Variants in SLC45A4 observed in about 807,000 individuals in gnomAD.
SLC45A4 encodes the protein polyamine-transporter SLC45A4.
SLC45A4 carries 32 observed loss-of-function variants against 63.7 expected under a neutral mutation model. The observed-to-expected ratio is 0.50, with a 90% confidence interval of 0.38 to 0.67. The LOEUF (loss-of-function observed/expected upper bound fraction) is 0.67. Ranked by LOEUF, SLC45A4 falls within the 30% of genes least tolerant of loss-of-function variation. The pLI is 0.00. For missense variants in SLC45A4, 1,027 were observed against 1,157.7 expected (o/e 0.89, Z 1.64); for synonymous variants, 535 against 510.0 (o/e 1.05, Z -0.66).
chr8:141,251,003 G>C (rs1304122688), intron 2 of SLC45A4, among the ~76,000 whole-genome samples: 1 of 152,198 alleles, frequency 6.6e-6, no homozygotes, highest in African/African-American at 2.4e-5. Flanking sequence ...ATCTGCCATA[G>C]AGAAAATTAG....
At chr8:141,223,526 C>A (rs932920872) in intron 2 of SLC45A4, among the ~76,000 whole-genome samples, 1 of 152,210 alleles carries the variant, frequency 6.6e-6, no homozygotes, top group Admixed American at 6.5e-5. Context: ...TCGGCAAACC[C>A]GTGCCAGGCA....
At chr8:141,265,414 C>T (rs546105736) in intron 1 of SLC45A4, among the ~76,000 whole-genome samples, 44 of 152,290 alleles carry the variant, frequency 2.9e-4, no homozygotes, top group Middle Eastern at 3.4e-3. Flanking sequence ...GGTGCCAGCG[C>T]GGGGCGTGTT....
At chr8:141,240,564 C>T (rs1474954677) in intron 2 of SLC45A4, among the ~76,000 whole-genome samples, 2 of 152,290 alleles carry the variant, frequency 1.3e-5, no homozygotes, top group Admixed American at 1.3e-4. Flanking sequence ...GGTTCCACAA[C>T]ACGCTTTTAA....
At position 141,218,461 on chromosome 8, in the gene SLC45A4, G is replaced by A. The variant is rs12679511; in HGVS notation, c.1179C>T (p.Asp393=). The A allele has an allele frequency of 1.9e-4, 303 of 1,612,958 alleles. 1 individual carries two copies. The East Asian group carries it at 4.7e-3, about 25-fold the overall frequency. The part of the protein sequence containing the change: ...VPNGSGSPTK[D]ALGGYTRVDT... ...CCACCCTGGTGTAGCCGCCGAGGGC[G>A]TCTTTTGTGGGGGAGCCACTTCCGT... Residue 393 remains aspartate, a synonymous_variant, in exon 5 of 9, where the codon GAC becomes GAT. Coordinates refer to ENST00000517878, the MANE Select transcript of SLC45A4 (RefSeq NM_001286646.2).
chr8:141,249,122 T>C (rs1262501725), intron 2 of SLC45A4, among the ~76,000 whole-genome samples: 2 of 151,938 alleles, frequency 1.3e-5, no homozygotes, highest in East Asian at 3.8e-4. Flanking sequence ...CACTAAACAT[T>C]GACGACGATG....
chr8:141,220,872 G>A (rs1030552230), intron 3 of SLC45A4, among the ~76,000 whole-genome samples: 1 of 152,202 alleles, frequency 6.6e-6, no homozygotes, highest in Non-Finnish European at 1.5e-5. Context: ...GCAGGGGGCC[G>A]GCAGCTCCGC....
chr8:141,272,974 A>G (rs1829597047), intron 1 of SLC45A4, among the ~76,000 whole-genome samples: 1 of 152,224 alleles, frequency 6.6e-6, no homozygotes, highest in Non-Finnish European at 1.5e-5. Flanking sequence ...ACACCTTTTT[A>G]AACAGAATCC....
chr8:141,216,067 G>T, intron 6 of SLC45A4, 97 bp from the exon 7 acceptor site: 2 of 996,632 alleles, frequency 2.0e-6, no homozygotes, highest in South Asian at 1.5e-5. Context: ...ACATCCCCCC[G>T]ACCTCCACTC....
At chr8:141,246,191 CAA>C (rs1407346378) in intron 2 of SLC45A4, among the ~76,000 whole-genome samples, 1 of 152,128 alleles carries the variant, frequency 6.6e-6, no homozygotes, top group Admixed American at 6.5e-5. Flanking sequence ...CCAATGTACC[CAA>C]AGTTATACAG....
At chr8:141,255,881 A>G (rs1438130847) in intron 1 of SLC45A4, among the ~76,000 whole-genome samples, 1 of 152,050 alleles carries the variant, frequency 6.6e-6, no homozygotes, top group Non-Finnish European at 1.5e-5. Context: ...AGGTTATAAA[A>G]CCTCTTGGGA....
At chr8:141,268,839 G>A (rs1231931090) in intron 1 of SLC45A4, among the ~76,000 whole-genome samples, 1 of 152,066 alleles carries the variant, frequency 6.6e-6, no homozygotes, top group Non-Finnish European at 1.5e-5. Flanking sequence ...CCCATCTCCG[G>A]GTGTGCTATG....
intron 2 of SLC45A4, among the ~76,000 whole-genome samples, chr8:141,230,795 A>G (rs1392854713): frequency 6.6e-6 from 1 of 152,242 alleles, no homozygotes; most frequent in African/African-American, 2.4e-5. Context: ...AAGAAGAGAA[A>G]TGCTGCCAGA....
At chr8:141,295,381 G>A (rs753109006) in intron 1 of SLC45A4, among the ~76,000 whole-genome samples, 93 of 152,338 alleles carry the variant, frequency 6.1e-4, no homozygotes, top group Non-Finnish European at 1.1e-3. Flanking sequence ...TCCCAGGGCC[G>A]CCACCTTCAA....
chr8:141,238,102 C>T (rs13253652), intron 2 of SLC45A4, among the ~76,000 whole-genome samples: 19,953 of 152,172 alleles, frequency 0.13, 1,619 homozygotes, highest in East Asian at 0.28. Context: ...TAGCTGGCCA[C>T]GGGCCACCTG....
chr8:141,264,765 T>C (rs1331127551), intron 1 of SLC45A4, among the ~76,000 whole-genome samples: 1 of 152,204 alleles, frequency 6.6e-6, no homozygotes, highest in Admixed American at 6.5e-5. Context: ...TTCTCCTAAT[T>C]AACCTTTGTC....
Position 141,219,083 on chromosome 8 carries a change from G to C in SLC45A4, c.611-54C>G, listed in dbSNP as rs1049924755. On this transcript the variant is annotated intron_variant, in intron 4 of 8. Coordinates refer to ENST00000517878, the MANE Select transcript of SLC45A4 (RefSeq NM_001286646.2). ...GCCGGTGGCACCAGGCCACAGGGGG[G>C]GAAGCTCTGGGAGGGCCTCTCCCTC... 9 of 1,560,172 alleles carry C rather than the reference G, an allele frequency of 5.8e-6. No individual in the cohort carries two copies. The African/African-American group carries it at 1.2e-4, about 21-fold the overall frequency.
intron 1 of SLC45A4, among the ~76,000 whole-genome samples, chr8:141,304,476 T>C (rs1435408231): frequency 6.6e-6 from 1 of 151,146 alleles, no homozygotes; most frequent in Non-Finnish European, 1.5e-5. Context: ...AAAGAATCGC[T>C]TGAACCTGGG....
chr8:141,228,976 G>A (rs958465721), intron 2 of SLC45A4, among the ~76,000 whole-genome samples: 9 of 152,106 alleles, frequency 5.9e-5, no homozygotes, highest in East Asian at 1.9e-4. Flanking sequence ...CCCACCTGGC[G>A]CCAGGTGCCG....
intron 1 of SLC45A4, among the ~76,000 whole-genome samples, chr8:141,281,044 C>A (rs1292425919): frequency 6.6e-6 from 1 of 152,236 alleles, no homozygotes; most frequent in Non-Finnish European, 1.5e-5. Flanking sequence ...CTTTAAAAGT[C>A]TGAATCAGTC....
Sources: allele counts gnomAD v4.1 joint callset (sites outside exome capture counted in the v4.1 genomes callset), GRCh38; gene constraint gnomAD v4.1.1; transcripts MANE v1.5; gene names NCBI Gene and HGNC (gene_info 2026-07-23, HGNC 2026-07-21).